The following KIF1A variants were observed in gnomAD, a reference collection of about 807,000 sequenced individuals.
KIF1A encodes the protein kinesin-like protein KIF1A.
A neutral mutation model predicts 227.3 loss-of-function variants in KIF1A; 46 were observed. The ratio of observed to expected loss-of-function variants is 0.20; its 90% CI spans 0.16 to 0.26. The LOEUF is 0.26. KIF1A is among the 10% of genes least tolerant of loss of function. The pLI is 1.00. For synonymous variants in KIF1A, 1,022 were observed against 1,012.8 expected (o/e 1.01, Z -0.17); for missense variants, 1,683 against 2,485.9 (o/e 0.68, Z 6.87).
At chr2:240,806,633 A>G (rs2057425658) in intron 1 of KIF1A, among the ~76,000 whole-genome samples, 1 of 152,208 alleles carries the variant, frequency 6.6e-6, no homozygotes, top group Non-Finnish European at 1.5e-5. Context: ...ACATGCACTA[A>G]AGCAAGAAAT....
rs779857671 is a variant in KIF1A, at chr2:240,740,379, C to T, written c.3750-15G>A. On this transcript the variant is annotated splice_polypyrimidine_tract_variant and intron_variant, in intron 35 of 48. Transcript: ENST00000498729. This position sits in a 1 kb window ranked among gnomAD's most constrained non-coding sequence, Gnocchi z 6.1. Reference sequence around the variant, plus strand: ...CCGGGATGTAACTGGAAGAGAGAGACACATGTGAGGAGCGGCCAGCCCCTC... The same window carrying T: ...CCGGGATGTAACTGGAAGAGAGAGATACATGTGAGGAGCGGCCAGCCCCTC... 6.2e-7 allele frequency: 1 copy of T among 1,612,292 alleles called. No individual in the cohort carries two copies. Among genetic ancestry groups the T allele is most frequent in the Non-Finnish European group, 8.5e-7 (1 of 1,178,510 alleles).
At chr2:240,718,545 G>A (rs1374385744) in intron 47 of KIF1A, among the ~76,000 whole-genome samples, 3 of 152,242 alleles carry the variant, frequency 2.0e-5, no homozygotes, top group Non-Finnish European at 2.9e-5. Context: ...AGATGGCTCA[G>A]AGAAACTTCT....
rs770448121 is a variant in KIF1A, at chr2:240,757,225, G to C, written c.2858+94C>G. The C allele has an allele frequency of 7.6e-7, 1 of 1,308,820 alleles. No homozygotes were observed. The highest frequency in any genetic ancestry group is 1.5e-5 in the African/African-American group (1 of 68,374). 81.1% of individuals were successfully genotyped at this position (1,308,820 alleles called of 1,614,324 possible). ...TGCCTCGCCTGCCCTGGGAGGGCCC[G>C]GGCCAGGCCCCAGCGGTTCCTCTGT... On this transcript the variant is annotated intron_variant, in intron 27 of 48. Transcript: ENST00000498729. This position sits in a 1 kb window ranked among gnomAD's most constrained non-coding sequence, Gnocchi z 6.2.
intron 27 of KIF1A, among the ~76,000 whole-genome samples, chr2:240,756,863 C>T (rs1034051577): frequency 1.3e-5 from 2 of 152,222 alleles, no homozygotes; most frequent in Non-Finnish European, 2.9e-5. Flanking sequence ...AGTGTTGATT[C>T]CCAGGAGAAT....
At chr2:240,732,124 G>GGAGGGGAGGAGGAA (rs2046744470) in intron 38 of KIF1A, among the ~76,000 whole-genome samples, 1 of 24,980 alleles carries the variant, frequency 4.0e-5, no homozygotes, top group Non-Finnish European at 7.6e-5. Context: ...AGGGATGAGG[G>GGAGGGGAGGAGGAA]GAGGGGAGGA....
At position 240,758,218 on chromosome 2, in the gene KIF1A, G is replaced by A. The variant is rs2050101471; in HGVS notation, c.2582+142C>T. ...AATGGCTGGGAGGAACCTCAGGCCAGGGAGGACAGGGCTGGGAATATGGGG... is the reference window on the plus strand; with the variant it reads ...AATGGCTGGGAGGAACCTCAGGCCAAGGAGGACAGGGCTGGGAATATGGGG... On this transcript the variant is annotated intron_variant, in intron 26 of 48. Transcript: ENST00000498729. The surrounding 1 kb of genome is among the most constrained non-coding windows in gnomAD (Gnocchi z 5.2). 1.1e-6 allele frequency: 1 copy of A among 918,512 alleles called. No individual in the cohort carries two copies. The allele number at this position is 918,512 out of a possible 1,614,324, so 56.9% of individuals were successfully genotyped here. A position where few individuals can be genotyped will look rare whatever the true frequency, so the allele number is the denominator to read the frequency against.
rs116319306 is a variant in KIF1A, at chr2:240,789,192, T to G, written c.183+44A>C. 1 of 1,497,594 alleles carries G rather than the reference T, an allele frequency of 6.7e-7. No individual in the cohort carries two copies. Among genetic ancestry groups the G allele is most frequent in the African/African-American group, 1.4e-5 (1 of 72,440 alleles). 92.8% of individuals were successfully genotyped at this position (1,497,594 alleles called of 1,614,324 possible). ...GGGACCCCGAGGGCCACATGGCCTA[T>G]GCACTGCTGCCCCCGCCTCCCCCGA... On this transcript the variant is annotated intron_variant, in intron 3 of 48. Transcript: ENST00000498729. This position sits in a 1 kb window ranked among gnomAD's most constrained non-coding sequence, Gnocchi z 4.8.
rs549055731 is a variant in KIF1A at position 240,775,374 on chromosome 2, G to A, written c.958+477C>T. On this transcript the variant is annotated intron_variant, in intron 11 of 48. Transcript: ENST00000498729. This position sits in a 1 kb window ranked among gnomAD's most constrained non-coding sequence, Gnocchi z 5.5. ...ACTCTGAGGTTATTCCGGGATGGAC[G>A]GGATCAGCGTCGGGTGCATTTCAAT... is the stretch of plus-strand genomic sequence containing the variant. 3.9e-5 allele frequency among the ~76,000 whole-genome samples: 6 copies of A among 152,308 alleles called. No individual in the cohort carries two copies. In the South Asian group the frequency reaches 6.2e-4, roughly 16 times the overall value.
At chr2:240,718,238 G>T in intron 47 of KIF1A, 70 bp from the exon 48 acceptor site, 1 of 1,096,964 alleles carries the variant, frequency 9.1e-7, no homozygotes. Context: ...CTGCTCCCCA[G>T]GGCCCAGGCA....
At position 240,752,857 on chromosome 2, in the gene KIF1A, G is replaced by A. The variant is rs1170545194; in HGVS notation, c.2859-2310C>T. ...GGCAGGACCTGGGACCACTCCCACTGTGGGCCAGGTGAGGACACTCAGGCA... is the reference window on the plus strand; with the variant it reads ...GGCAGGACCTGGGACCACTCCCACTATGGGCCAGGTGAGGACACTCAGGCA... On this transcript the variant is annotated intron_variant, in intron 27 of 48. Transcript: ENST00000498729. This position sits in a 1 kb window ranked among gnomAD's most constrained non-coding sequence, Gnocchi z 6.4. 2.6e-5 allele frequency among the ~76,000 whole-genome samples: 4 copies of A among 152,170 alleles called. No individual in the cohort carries two copies. The highest frequency in any genetic ancestry group is 1.3e-4 in the Admixed American group (2 of 15,278).
At chr2:240,754,957 T>C (rs2049661574) in intron 27 of KIF1A, among the ~76,000 whole-genome samples, 1 of 151,842 alleles carries the variant, frequency 6.6e-6, no homozygotes, top group Non-Finnish European at 1.5e-5. Context: ...ACACCTGCGC[T>C]CCCTCCCCAG....
chr2:240,757,210 GCC>G lies in KIF1A; in HGVS notation c.2858+107_2858+108del, dbSNP rs1040408785. 3.4e-6 allele frequency: 4 copies of G among 1,165,248 alleles called. No homozygotes were observed. Among genetic ancestry groups the G allele is most frequent in the Non-Finnish European group, 4.9e-6 (4 of 820,056 alleles). The allele number at this position is 1,165,248 out of a possible 1,614,324, so 72.2% of individuals were successfully genotyped here. On this transcript the variant is annotated intron_variant, in intron 27 of 48. Transcript: ENST00000498729. This position sits in a 1 kb window ranked among gnomAD's most constrained non-coding sequence, Gnocchi z 6.2. ...GCCAGCCCCTCCACCTGCCTCGCCT[GCC>G]CTGGGAGGGCCCGGGCCAGGCCCCA...
At chr2:240,807,130 G>GTGTGTGTGTGTA (rs1356399506) in intron 1 of KIF1A, among the ~76,000 whole-genome samples, 1 of 119,450 alleles carries the variant, frequency 8.4e-6, no homozygotes, top group South Asian at 3.1e-4. Flanking sequence ...GTGTGTGTGT[G>GTGTGTGTGTGTA]TATATATATA....
chr2:240,745,572 T>G, intron 31 of KIF1A, 55 bp from the exon 32 acceptor site: 1 of 1,523,978 alleles, frequency 6.6e-7, no homozygotes, highest in Admixed American at 1.8e-5. Context: ...GATGAGACCT[T>G]ACCAGGTGGA....
chr2:240,728,380 G>C, intron 38 of KIF1A: 2 of 1,300,170 alleles, frequency 1.5e-6, no homozygotes, highest in East Asian at 5.6e-5. Flanking sequence ...AGAGAAAAGT[G>C]AGCTGTACCT....
chr2:240,779,025 C>T (rs184306471), intron 10 of KIF1A, among the ~76,000 whole-genome samples: 73 of 152,170 alleles, frequency 4.8e-4, no homozygotes, highest in Non-Finnish European at 8.5e-4. Context: ...CACAGTTCCA[C>T]ACTCAGTTCC....
rs781266276 is a variant in KIF1A at position 240,766,126 on chromosome 2, G to A, written c.1685-333C>T. ...AACACCAGCTAATGGGGCCTGGGCCGTCCCACAGGAGAGGGTAGGCAGGGC... is the reference window on the plus strand; with the variant it reads ...AACACCAGCTAATGGGGCCTGGGCCATCCCACAGGAGAGGGTAGGCAGGGC... On this transcript the variant is annotated intron_variant, in intron 19 of 48. Coordinates refer to ENST00000498729, the MANE Select transcript of KIF1A (RefSeq NM_001244008.2). The surrounding 1 kb of genome is among the most constrained non-coding windows in gnomAD (Gnocchi z 5.0). 8.5e-5 allele frequency among the ~76,000 whole-genome samples: 13 copies of A among 152,246 alleles called. No individual in the cohort carries two copies. The highest frequency in any genetic ancestry group is 4.1e-4 in the South Asian group (2 of 4,836).
chr2:240,774,103 C>T, intron 12 of KIF1A, 80 bp downstream of exon 12: 1 of 892,220 alleles, frequency 1.1e-6, no homozygotes, highest in Non-Finnish European at 1.8e-6. Context: ...GTCACTGGTG[C>T]TTCCTAATTC....
Position 240,760,782 on chromosome 2 carries a change from A to G in KIF1A, c.2327T>C (p.Leu776Pro). ...TLYSPLPPDL[L>P]PPEAAKDRET... ...TCGGTCTTTGGCGGCCTCTGGGGGC[A>G]GCAGGTCGGGTGGCAGAGGGGAGTA... Residue 776 changes from leucine to proline, a missense_variant, in exon 25 of 49, where the codon CTG (leucine) becomes CCG (proline). Transcript: ENST00000498729. 6.2e-7 allele frequency: 1 copy of G among 1,604,970 alleles called. No homozygotes were observed. Among genetic ancestry groups the G allele is most frequent in the Non-Finnish European group, 8.5e-7 (1 of 1,176,408 alleles).
Sources: allele counts gnomAD v4.1 joint callset (sites outside exome capture counted in the v4.1 genomes callset), GRCh38; gene constraint gnomAD v4.1.1; non-coding constraint Gnocchi (gnomAD v3.1); transcripts MANE v1.5; gene names NCBI Gene and HGNC (gene_info 2026-07-23, HGNC 2026-07-21).